Variants in FGD4 observed in about 807,000 individuals in gnomAD.
The protein encoded by FGD4 is FYVE, RhoGEF and PH domain-containing protein 4.
In FGD4, 42 loss-of-function variants were observed where a neutral mutation model predicts 102.0. The observed-to-expected ratio is 0.41, with a 90% CI of 0.32 to 0.53. The LOEUF is 0.53. FGD4 is among the 20% of genes least tolerant of loss of function. The pLI, the probability that FGD4 is intolerant of heterozygous loss-of-function variation, is 0.21. For synonymous variants in FGD4, 380 were observed against 375.7 expected (o/e 1.01, Z -0.13); for missense variants, 902 against 1,078.2 (o/e 0.84, Z 2.29).
chr12:32,518,910 G>T (rs538907208), intron 1 of FGD4, among the ~76,000 whole-genome samples: 158 of 151,716 alleles, frequency 1.0e-3, no homozygotes, highest in Non-Finnish European at 1.6e-3. Context: ...ATGTTGGGAG[G>T]TCGACACCAG....
At chr12:32,417,549 C>T (rs999584790) in intron 1 of FGD4, among the ~76,000 whole-genome samples, 3 of 151,788 alleles carry the variant, frequency 2.0e-5, no homozygotes, top group South Asian at 2.1e-4. Flanking sequence ...CCTCTGCCTC[C>T]CAGGTTAAAG....
intron 1 of FGD4, among the ~76,000 whole-genome samples, chr12:32,417,955 C>CTT (rs55826183): frequency 1.8e-4 from 19 of 105,166 alleles, no homozygotes; most frequent in Admixed American, 2.0e-4. Flanking sequence ...TGTCTTAGTT[C>CTT]TTTTTTTTTT....
chr12:32,471,374 G>A (rs1943411008), intron 1 of FGD4, among the ~76,000 whole-genome samples: 1 of 152,122 alleles, frequency 6.6e-6, no homozygotes, highest in Non-Finnish European at 1.5e-5. Context: ...TATCCTATTT[G>A]TTATGTGTCT....
At chr12:32,581,620 A>G (rs1946625825) in intron 3 of FGD4, among the ~76,000 whole-genome samples, 1 of 152,246 alleles carries the variant, frequency 6.6e-6, no homozygotes, top group Admixed American at 6.5e-5. Context: ...CTAAGTCTTT[A>G]CTAACTAGTC....
intron 2 of FGD4, among the ~76,000 whole-genome samples, chr12:32,573,231 G>A (rs1242614893): frequency 1.3e-5 from 2 of 152,170 alleles, no homozygotes; most frequent in Non-Finnish European, 2.9e-5. Context: ...GAGTAGCTGG[G>A]ACTACAAGCG....
chr12:32,632,705 ATTTATTTATTTTT>A (rs1162930952), intron 14 of FGD4, among the ~76,000 whole-genome samples: 1 of 124,952 alleles, frequency 8.0e-6, no homozygotes, highest in African/African-American at 3.2e-5. Context: ...TTATTTATTT[ATTTATTTATTTTT>A]TTTTTTTGAG....
At chr12:32,539,446 A>G (rs981775900) in intron 1 of FGD4, among the ~76,000 whole-genome samples, 2 of 152,094 alleles carry the variant, frequency 1.3e-5, no homozygotes, top group South Asian at 2.1e-4. Context: ...GCACATGCCT[A>G]TAATCCCAGC....
chr12:32,528,372 A>G (rs1592120619), intron 1 of FGD4, among the ~76,000 whole-genome samples: 2 of 152,264 alleles, frequency 1.3e-5, no homozygotes, highest in South Asian at 4.1e-4. Context: ...GTTTGCATAT[A>G]ACCTACGCAC....
chr12:32,552,726 C>T (rs1258299959), intron 1 of FGD4, among the ~76,000 whole-genome samples: 2 of 151,794 alleles, frequency 1.3e-5, no homozygotes, highest in Non-Finnish European at 2.9e-5. Context: ...AAACAGCATG[C>T]CAAGGTACAG....
intron 1 of FGD4, among the ~76,000 whole-genome samples, chr12:32,457,842 GGA>G (rs1312188553): frequency 1.3e-5 from 2 of 152,170 alleles, no homozygotes; most frequent in Non-Finnish European, 1.5e-5. Flanking sequence ...AAGGGACCTT[GGA>G]GAGTATCTGG....
chr12:32,576,600 A>G, intron 3 of FGD4, 151 bp downstream of exon 3: 1 of 868,630 alleles, frequency 1.2e-6, no homozygotes, highest in Non-Finnish European at 1.8e-6. Flanking sequence ...TTTTAAAACG[A>G]ATGACTTAAT....
At chr12:32,510,260 C>T (rs1182232901) in intron 1 of FGD4, among the ~76,000 whole-genome samples, 4 of 152,172 alleles carry the variant, frequency 2.6e-5, no homozygotes, top group African/African-American at 4.8e-5. Context: ...AAATAAATTA[C>T]TGTGCATTCA....
At chr12:32,439,204 T>C (rs923900662) in intron 1 of FGD4, among the ~76,000 whole-genome samples, 9 of 152,226 alleles carry the variant, frequency 5.9e-5, no homozygotes, top group African/African-American at 2.2e-4. Context: ...ATTCCACATA[T>C]AGTTGAGATC....
chr12:32,427,164 C>T lies in FGD4; in HGVS notation c.166+27205C>T, dbSNP rs529758660. On this transcript the variant is annotated intron_variant, in intron 1 of 16. Transcript: ENST00000534526. ...TCTTTTAATTGTGATTTTAGGGTGT[C>T]GATTTTAGATCTTTCCCACTTTCTC... 1.9e-4 allele frequency among the ~76,000 whole-genome samples: 29 copies of T among 151,918 alleles called. No individual in the cohort carries two copies. In the East Asian group the frequency reaches 3.7e-3, roughly 19 times the overall value.
intron 14 of FGD4, among the ~76,000 whole-genome samples, chr12:32,632,718 T>TTA (rs369780455): frequency 0.015 from 2,151 of 148,344 alleles, 52 homozygotes; most frequent in African/African-American, 0.05. Context: ...TATTTATTTT[T>TTA]TTTTTTTGAG....
At chr12:32,493,464 C>T (rs1275625206) in intron 1 of FGD4, among the ~76,000 whole-genome samples, 1 of 152,190 alleles carries the variant, frequency 6.6e-6, no homozygotes, top group Non-Finnish European at 1.5e-5. Context: ...TACTGCCTGG[C>T]AGCTCATCAG....
intron 1 of FGD4, among the ~76,000 whole-genome samples, chr12:32,487,251 A>C (rs1532657): frequency 0.33 from 49,944 of 152,002 alleles, 8,288 homozygotes; most frequent in East Asian, 0.45. Context: ...TTTTAAGATA[A>C]CAATAATAGC....
At chr12:32,527,326 C>T (rs2136798423) in intron 1 of FGD4, among the ~76,000 whole-genome samples, 1 of 152,310 alleles carries the variant, frequency 6.6e-6, no homozygotes, top group East Asian at 1.9e-4. Flanking sequence ...CTGTGGAATG[C>T]TGACAGAAGC....
At chr12:32,468,766 GTAT>G (rs1943336999) in intron 1 of FGD4, among the ~76,000 whole-genome samples, 1 of 152,152 alleles carries the variant, frequency 6.6e-6, no homozygotes, top group Admixed American at 6.5e-5. Context: ...TTGTAACCAT[GTAT>G]TTTGTAGAAA....
Sources: gnomAD v4.1 joint callset for allele counts (sites outside exome capture counted in the v4.1 genomes callset) on GRCh38, gnomAD v4.1.1 for gene constraint, MANE v1.5 for transcripts, NCBI Gene and HGNC (gene_info 2026-07-23, HGNC 2026-07-21) for gene names.